NME9: variants seen among roughly 807,000 people sequenced by gnomAD.
NME9 encodes the protein NME/NM23 family member 9, also known as thioredoxin domain-containing protein 6.
NME9 carries 48 observed loss-of-function variants against 44.4 expected under a neutral mutation model. That is an observed-to-expected ratio of 1.08 (90% CI 0.86 to 1.37). The LOEUF is 1.37. Among genes scored for constraint, NME9 ranks in the 40% most tolerant of loss-of-function variants. The pLI, the probability that NME9 is intolerant of heterozygous loss-of-function variation, is 0.00. For synonymous variants in NME9, 139 were observed against 147.1 expected (o/e 0.94, Z 0.40); for missense variants, 325 against 405.2 (o/e 0.80, Z 1.70).
rs2053220739 is a variant in NME9, at chr3:138,318,193, G to A, written c.222C>T (p.Leu74=). The part of the protein sequence containing the change: ...ALAEADRLDV[L]EKYRGKCEPT... ...GCTCGCACTTCCCTCTGTACTTTTC[G>A]AGGACATCAAGACGATCTGCCTCTG... The change falls in exon 4 of 11, where the codon CTC becomes CTT. Residue 74 remains leucine (L), a synonymous_variant. Coordinates refer to ENST00000333911, the MANE Select transcript of NME9 (RefSeq NM_001349018.2). 7 of 1,612,546 alleles carry A rather than the reference G, an allele frequency of 4.3e-6. No homozygotes were observed. Among genetic ancestry groups the A allele is most frequent in the African/African-American group, 2.7e-5 (2 of 74,842 alleles).
chr3:138,320,524 T>C (rs1428858527), intron 2 of NME9, among the ~76,000 whole-genome samples: 2 of 152,238 alleles, frequency 1.3e-5, no homozygotes, highest in African/African-American at 4.8e-5. Context: ...ATTTTACTTA[T>C]TGCAGATTCA....
chr3:138,268,583 C>G (rs1346782057), intron 8 of NME9, among the ~76,000 whole-genome samples: 1 of 152,072 alleles, frequency 6.6e-6, no homozygotes, highest in African/African-American at 2.4e-5. Context: ...TAACTCCCAA[C>G]CGGGGCAACA....
In NME9 at chr3:138,301,134, GA is replaced by G. The variant is rs1038842467; in HGVS notation, c.*505del. 5 of 964,308 alleles carry G rather than the reference GA, an allele frequency of 5.2e-6. No homozygotes were observed. The highest frequency in any genetic ancestry group is 1.8e-5 in the African/African-American group (1 of 56,474). 59.7% of individuals were successfully genotyped at this position (964,308 alleles called of 1,614,324 possible). On this transcript the variant is annotated 3_prime_UTR_variant, in exon 11 of 11. Coordinates refer to ENST00000333911, the MANE Select transcript of NME9 (RefSeq NM_001349018.2). ...TATTTTGTAAAATCCCAAAGACAGA[GA>G]AAAAAAACTGCGTTCTACATACTGT... is the stretch of plus-strand genomic sequence containing the variant.
At chr3:138,295,097 C>G (rs764689115) in intron 8 of NME9, among the ~76,000 whole-genome samples, 8 of 152,068 alleles carry the variant, frequency 5.3e-5, no homozygotes, top group Non-Finnish European at 1.0e-4. Context: ...CAGGGTTTCA[C>G]CGTGTTGGCC....
chr3:138,290,589 A>T, intron 8 of NME9: 1 of 1,607,976 alleles, frequency 6.2e-7, no homozygotes, highest in Non-Finnish European at 8.5e-7. Context: ...TGGGCATCGT[A>T]GATATTCTAC....
chr3:138,267,747 T>TA (rs1160856677), intron 8 of NME9, among the ~76,000 whole-genome samples: 1 of 152,194 alleles, frequency 6.6e-6, no homozygotes. Context: ...TTCTTTTTTT[T>TA]AATAGGAAAA....
At chr3:138,262,353 A>G in exon 9 of NME9, 2 of 674,576 alleles carry the variant, frequency 3.0e-6, no homozygotes, top group Non-Finnish European at 2.5e-6. Context: ...TTTGGAAACT[A>G]AAACACCAGA....
intron 6 of NME9, among the ~76,000 whole-genome samples, chr3:138,311,131 T>C (rs2052672913): frequency 1.3e-5 from 2 of 152,148 alleles, no homozygotes; most frequent in Non-Finnish European, 1.5e-5. Flanking sequence ...ACCAACAAAT[T>C]TGAAAACCTA....
At chr3:138,268,763 G>A (rs1469865312) in intron 8 of NME9, among the ~76,000 whole-genome samples, 13 of 151,858 alleles carry the variant, frequency 8.6e-5, no homozygotes, top group African/African-American at 1.7e-4. Flanking sequence ...GCTTCAGAGC[G>A]AGACCCTGTC....
intron 8 of NME9, among the ~76,000 whole-genome samples, chr3:138,305,648 G>C (rs901095405): frequency 6.6e-6 from 1 of 152,200 alleles, no homozygotes; most frequent in African/African-American, 2.4e-5. Flanking sequence ...TTAGATCTGA[G>C]TTATCCAATG....
downstream of NME9, among the ~76,000 whole-genome samples, chr3:138,299,562 C>G (rs547200843): frequency 6.6e-6 from 1 of 152,264 alleles, no homozygotes; most frequent in African/African-American, 2.4e-5. Context: ...CCTTACACCC[C>G]ATTCCCCTGT....
intron 8 of NME9, among the ~76,000 whole-genome samples, chr3:138,275,020 A>G (rs527559734): frequency 4.0e-4 from 61 of 152,216 alleles, no homozygotes; most frequent in Middle Eastern, 3.4e-3. Context: ...ACTTCCATTA[A>G]GTTTCAGGAG....
intron 8 of NME9, among the ~76,000 whole-genome samples, chr3:138,281,537 C>T (rs148418932): frequency 1.2e-3 from 188 of 152,214 alleles, no homozygotes; most frequent in African/African-American, 4.3e-3. Flanking sequence ...GTAATCCACC[C>T]GCTTTGGTCT....
intron 8 of NME9, chr3:138,263,522 C>T (rs1311042627): frequency 6.8e-6 from 4 of 584,320 alleles, no homozygotes; most frequent in South Asian, 4.0e-5. Flanking sequence ...TAACCTGCCC[C>T]TTACGCCTGT....
intron 8 of NME9, chr3:138,270,195 A>T: frequency 8.1e-7 from 1 of 1,229,176 alleles, no homozygotes; most frequent in Non-Finnish European, 1.2e-6. Flanking sequence ...TCTAAGTTAG[A>T]ACTATAATGT....
At chr3:138,269,797 A>C (rs1226018473) in intron 8 of NME9, among the ~76,000 whole-genome samples, 1 of 147,366 alleles carries the variant, frequency 6.8e-6, no homozygotes, top group East Asian at 2.1e-4. Flanking sequence ...GAAATGACAG[A>C]GTGGTTTGGT....
At chr3:138,295,651 C>A (rs960008557) in intron 8 of NME9, among the ~76,000 whole-genome samples, 6 of 152,382 alleles carry the variant, frequency 3.9e-5, no homozygotes, top group Admixed American at 1.3e-4. Flanking sequence ...GAGAGATCCA[C>A]AGGAAGAAGA....
chr3:138,281,783 C>T (rs899621860), intron 8 of NME9, among the ~76,000 whole-genome samples: 7 of 152,140 alleles, frequency 4.6e-5, no homozygotes, highest in East Asian at 1.9e-4. Context: ...GAGGGATCTT[C>T]CCTGGAATTC....
intron 8 of NME9, among the ~76,000 whole-genome samples, chr3:138,265,194 G>C (rs2048161871): frequency 6.6e-6 from 1 of 152,030 alleles, no homozygotes; most frequent in Admixed American, 6.6e-5. Context: ...CACCATGCCT[G>C]ACCCCTGGAT....
Sources: gnomAD v4.1 joint callset for allele counts (sites outside exome capture counted in the v4.1 genomes callset) on GRCh38, gnomAD v4.1.1 for gene constraint, MANE v1.5 for transcripts, NCBI Gene and HGNC (gene_info 2026-07-23, HGNC 2026-07-21) for gene names.